Variants in HIVEP1 observed in about 807,000 individuals in gnomAD.
HIVEP1 encodes the protein zinc finger protein 40.
HIVEP1 carries 36 observed loss-of-function variants against 180.0 expected under a neutral mutation model. That is an observed-to-expected ratio of 0.20 (90% CI 0.15 to 0.26). The LOEUF is 0.26. HIVEP1 is among the 10% of genes least tolerant of loss of function. HIVEP1 has a pLI of 1.00. For synonymous variants in HIVEP1, 1,239 were observed against 1,239.0 expected (o/e 1.00, Z 0.00); for missense variants, 3,143 against 3,268.7 (o/e 0.96, Z 0.94).
intron 2 of HIVEP1, among the ~76,000 whole-genome samples, chr6:12,040,706 T>A (rs115264736): frequency 6.6e-6 from 1 of 152,212 alleles, no homozygotes; most frequent in Non-Finnish European, 1.5e-5. Context: ...AAGCAGTACC[T>A]GAGACTGAGT....
At position 12,121,806 on chromosome 6, in the gene HIVEP1, A is replaced by G. The variant is rs780993174; in HGVS notation, c.2011A>G (p.Thr671Ala). ...CCTGAGTCCTCGAAGTTTAGGAAGT[A>G]CGGATTCTGGTTACTTTTCACGTTC... ...KLLSPRSLGS[T>A]DSGYFSRSES... Residue 671 changes from threonine (T) to alanine (A), a missense_variant, in exon 4 of 9, where the codon ACG (threonine) becomes GCG (alanine). By Grantham distance (58) the Thr-to-Ala change is moderately conservative (BLOSUM62 0). Around this residue, in one of 12 missense-constraint regions of HIVEP1, gnomAD observed 365 missense variants for 344.4 expected, o/e 1.06. Transcript: ENST00000379388. This position sits in a 1 kb window ranked among gnomAD's most constrained non-coding sequence, Gnocchi z 5.3. 3.1e-6 allele frequency: 5 copies of G among 1,614,196 alleles called. No individual in the cohort carries two copies. In the South Asian group the frequency reaches 4.4e-5, roughly 14 times the overall value.
intron 2 of HIVEP1, among the ~76,000 whole-genome samples, chr6:12,020,893 T>TC (rs1471836400): frequency 1.3e-4 from 17 of 134,170 alleles, no homozygotes; most frequent in Admixed American, 3.7e-4. Flanking sequence ...TTTCTTTCTT[T>TC]TTTTTTTTTT....
the HIVEP1 span, among the ~76,000 whole-genome samples, chr6:12,184,940 A>G: frequency 9.9e-5 from 15 of 152,260 alleles, no homozygotes; most frequent in African/African-American, 2.9e-4. Context: ...AAGGTTTAAT[A>G]TTCATACATG....
Position 12,121,440 on chromosome 6 carries a change from G to C in HIVEP1, c.1645G>C (p.Asp549His). 1.2e-6 allele frequency: 2 copies of C among 1,614,112 alleles called. No homozygotes were observed. The highest frequency in any genetic ancestry group is 1.7e-6 in the Non-Finnish European group (2 of 1,180,008). Residue 549 changes from aspartate to histidine, a missense_variant, in exon 4 of 9, where the codon GAC becomes CAC. Transcript: ENST00000379388. The surrounding 1 kb of genome is among the most constrained non-coding windows in gnomAD (Gnocchi z 5.3). ...TGTGATAGGTGACTTTTTGCTACAG[G>C]ACAGATCTGCAGAATCACAAGCTGT... ...ENVIGDFLLQ[D>H]RSAESQAVTE...
chr6:12,017,468 T>C (rs1767873799), intron 2 of HIVEP1, among the ~76,000 whole-genome samples: 1 of 152,238 alleles, frequency 6.6e-6, no homozygotes, highest in African/African-American at 2.4e-5. Flanking sequence ...GAGCAAGCAG[T>C]AGCAAGATTT....
intron 3 of HIVEP1, among the ~76,000 whole-genome samples, chr6:12,117,441 C>G (rs946666408): frequency 3.3e-5 from 5 of 152,276 alleles, no homozygotes; most frequent in African/African-American, 1.2e-4. Context: ...AATAGTTTCT[C>G]TTATAAAGAA....
At chr6:12,075,134 C>A (rs75759007) in intron 2 of HIVEP1, among the ~76,000 whole-genome samples, 1 of 152,148 alleles carries the variant, frequency 6.6e-6, no homozygotes, top group Non-Finnish European at 1.5e-5. Flanking sequence ...TTCATGCACA[C>A]GCACAGGCAC....
rs574088805 is a variant in HIVEP1 at position 12,120,737 on chromosome 6, G to T, written c.942G>T (p.Leu314=). ...CSGFTGSLTN[L]QNQENAKLEQ... ...GTTTCACAGGATCACTGACAAATCT[G>T]CAAAATCAAGAGAATGCCAAACTTG... Residue 314 remains leucine (L), a synonymous_variant, in exon 4 of 9, where the codon CTG becomes CTT. Transcript: ENST00000379388. The T allele has an allele frequency of 1.9e-6, 3 of 1,614,178 alleles. No individual in the cohort carries two copies. In the South Asian group the frequency reaches 3.3e-5, roughly 18 times the overall value.
intron 2 of HIVEP1, among the ~76,000 whole-genome samples, chr6:12,046,011 T>G (rs887603577): frequency 3.3e-5 from 5 of 152,232 alleles, no homozygotes; most frequent in African/African-American, 1.2e-4. Context: ...GTTAAGTATC[T>G]TCTTTGAAAT....
rs552039435 is a variant in HIVEP1 at position 12,111,815 on chromosome 6, C to T, written c.95-8075C>T. Among the ~76,000 whole-genome samples, 150 of 152,308 alleles carry T rather than the reference C, an allele frequency of 9.8e-4. No homozygotes were observed. In the Middle Eastern group the frequency reaches 0.017, roughly 17 times the overall value. ...AATCTCCCCATCTCAAAATACGTAA[C>T]CATATCACATTTGCAGCGTCCCCTT... On this transcript the variant is annotated intron_variant, in intron 3 of 8. Transcript: ENST00000379388.
At chr6:12,105,405 A>G (rs1774362056) in intron 3 of HIVEP1, among the ~76,000 whole-genome samples, 1 of 152,142 alleles carries the variant, frequency 6.6e-6, no homozygotes, top group African/African-American at 2.4e-5. Context: ...CCCTAATCAA[A>G]AGGAGCCCCA....
chr6:12,091,955 G>C lies in HIVEP1; in HGVS notation c.94+2718G>C, dbSNP rs533552232. On this transcript the variant is annotated intron_variant, in intron 3 of 8. Transcript: ENST00000379388. The stretch of plus-strand genomic sequence containing the variant: ...AAAATTAACTGGGAAGAAATAAATA[G>C]ATCGATTAGGAGAGCTTTTATGGCT... Among the ~76,000 whole-genome samples, 9 of 152,276 alleles carry C rather than the reference G, an allele frequency of 5.9e-5. No homozygotes were observed. The East Asian group carries it at 1.7e-3, about 29-fold the overall frequency.
At position 12,078,650 on chromosome 6, in the gene HIVEP1, C is replaced by T. The variant is rs199937338; in HGVS notation, c.41-10534C>T. Among the ~76,000 whole-genome samples the T allele has an allele frequency of 5.3e-5, 7 of 132,358 alleles. No individual in the cohort carries two copies. The East Asian group carries it at 1.1e-3, about 21-fold the overall frequency. The allele number at this position is 132,358 out of a possible 152,430, so 86.8% of individuals were successfully genotyped here. A position where few individuals can be genotyped will look rare whatever the true frequency, so the allele number is the denominator to read the frequency against. On this transcript the variant is annotated intron_variant, in intron 2 of 8. Coordinates refer to ENST00000379388, the MANE Select transcript of HIVEP1 (RefSeq NM_002114.4). ...ACATATATATACACACACACACACA[C>T]ATACATATATATACATATATATACA...
At chr6:12,118,853 A>G (rs1469200659) in intron 3 of HIVEP1, among the ~76,000 whole-genome samples, 1 of 152,264 alleles carries the variant, frequency 6.6e-6, no homozygotes, top group African/African-American at 2.4e-5. Context: ...TAGAAATTAT[A>G]TTAGCAGCCC....
At chr6:12,112,104 C>G (rs1166616549) in intron 3 of HIVEP1, among the ~76,000 whole-genome samples, 4 of 152,156 alleles carry the variant, frequency 2.6e-5, no homozygotes, top group Admixed American at 2.6e-4. Context: ...AACGAATTCT[C>G]TCAGCTTTTG....
At chr6:12,011,725 G>A (rs1416403031), upstream of HIVEP1, among the ~76,000 whole-genome samples, 7 of 149,060 alleles carry the variant, frequency 4.7e-5, no homozygotes, top group Admixed American at 4.0e-4. Flanking sequence ...CGGGGCACTG[G>A]CTCCGGGTTC....
chr6:12,096,071 C>T (rs991938432), intron 3 of HIVEP1, among the ~76,000 whole-genome samples: 1 of 151,922 alleles, frequency 6.6e-6, no homozygotes, highest in African/African-American at 2.4e-5. Flanking sequence ...TTTTCTGTCT[C>T]ACAATAAGAA....
At chr6:12,210,763 T>G in the HIVEP1 span, among the ~76,000 whole-genome samples, 1 of 152,150 alleles carries the variant, frequency 6.6e-6, no homozygotes, top group Non-Finnish European at 1.5e-5. Context: ...TCATTATAGA[T>G]TCAGATGAAG....
At chr6:12,088,936 G>C (rs1255002852) in intron 2 of HIVEP1, among the ~76,000 whole-genome samples, 1 of 152,122 alleles carries the variant, frequency 6.6e-6, no homozygotes, top group African/African-American at 2.4e-5. Flanking sequence ...AGTATCTAAA[G>C]TGTACTAATT....
Sources: allele counts gnomAD v4.1 joint callset (sites outside exome capture counted in the v4.1 genomes callset), GRCh38; gene constraint gnomAD v4.1.1; regional missense constraint gnomAD v4.1.1; non-coding constraint Gnocchi (gnomAD v3.1); transcripts MANE v1.5; gene names NCBI Gene and HGNC (gene_info 2026-07-23, HGNC 2026-07-21).